RORA: variants seen among roughly 807,000 people sequenced by gnomAD.
The protein encoded by RORA is RAR related orphan receptor A, also known as nuclear receptor ROR-alpha.
A neutral mutation model predicts 69.5 loss-of-function variants in RORA; 7 were observed. The observed-to-expected ratio is 0.10, with a 90% CI of 0.06 to 0.19. The LOEUF (loss-of-function observed/expected upper bound fraction) is 0.19, where lower values mean the gene tolerates loss of function less well. RORA is among the 10% of genes least tolerant of loss of function. The pLI, the probability that RORA is intolerant of heterozygous loss-of-function variation, is 1.00. For missense variants in RORA, 457 were observed against 663.0 expected, an observed-to-expected ratio of 0.69 and a Z score of 3.41; for synonymous variants, 261 against 240.8, an observed-to-expected ratio of 1.08 and a Z score of -0.78.
At chr15:61,104,749 C>T (rs1251541354) in intron 1 of RORA, among the ~76,000 whole-genome samples, 3 of 152,146 alleles carry the variant, frequency 2.0e-5, no homozygotes, top group South Asian at 4.1e-4. Context: ...GCATGGAGCC[C>T]TCTTCTTACC....
chr15:61,027,143 AG>A (rs768563656), intron 1 of RORA, among the ~76,000 whole-genome samples: 2 of 152,230 alleles, frequency 1.3e-5, no homozygotes, highest in Non-Finnish European at 2.9e-5. Context: ...AGTGTGGGCG[AG>A]GGTCCATTAC....
chr15:60,881,399 A>C (rs2073678709), intron 1 of RORA, among the ~76,000 whole-genome samples: 1 of 152,208 alleles, frequency 6.6e-6, no homozygotes, highest in Non-Finnish European at 1.5e-5. Context: ...TCCCAAAGGG[A>C]GATTCAATAT....
At chr15:61,157,860 A>C (rs2079458855) in intron 1 of RORA, among the ~76,000 whole-genome samples, 1 of 152,220 alleles carries the variant, frequency 6.6e-6, no homozygotes, top group African/African-American at 2.4e-5. Context: ...GCATTGGGAT[A>C]ATCGCCCCAT....
intron 1 of RORA, among the ~76,000 whole-genome samples, chr15:61,036,139 TA>T: frequency 6.6e-6 from 1 of 152,252 alleles, no homozygotes; most frequent in South Asian, 2.1e-4. Flanking sequence ...ATAAGCCTCT[TA>T]AAACTTTCTG....
chr15:61,071,083 T>C (rs2078335711), intron 1 of RORA, among the ~76,000 whole-genome samples: 3 of 150,614 alleles, frequency 2.0e-5, no homozygotes, highest in Admixed American at 1.3e-4. Flanking sequence ...TTGATACACT[T>C]ATCCTTTTTC....
chr15:61,200,846 ACACTTATCATCCAGAGGACTGGATT>A (rs1162691323), intron 1 of RORA, among the ~76,000 whole-genome samples: 1 of 152,210 alleles, frequency 6.6e-6, no homozygotes, highest in Non-Finnish European at 1.5e-5. Flanking sequence ...AGGGTAGTCA[ACACTTATCATCCAGAGGACTGGATT>A]CACTTTCTCA....
intron 1 of RORA, among the ~76,000 whole-genome samples, chr15:60,723,478 G>A (rs913639649): frequency 2.0e-5 from 3 of 151,468 alleles, no homozygotes; most frequent in African/African-American, 7.3e-5. Context: ...AAGGCGCAGG[G>A]AAAAAGCAAA....
intron 1 of RORA, among the ~76,000 whole-genome samples, chr15:60,855,892 G>A (rs1286459310): frequency 2.6e-5 from 4 of 152,224 alleles, no homozygotes; most frequent in African/African-American, 9.6e-5. Flanking sequence ...TGGGATTACA[G>A]GTGTGAGCCA....
intron 2 of RORA, among the ~76,000 whole-genome samples, chr15:60,622,402 C>T (rs897674807): frequency 1.3e-5 from 2 of 151,994 alleles, no homozygotes; most frequent in South Asian, 2.1e-4. Flanking sequence ...TGCTTGAGCT[C>T]GGGAATTTGA....
intron 2 of RORA, among the ~76,000 whole-genome samples, chr15:60,644,776 C>A (rs567837535): frequency 6.6e-6 from 1 of 152,228 alleles, no homozygotes; most frequent in East Asian, 1.9e-4. Flanking sequence ...AAGTCCTGAC[C>A]AAGTAGCCAC....
chr15:60,857,026 G>A (rs1344305979), intron 1 of RORA, among the ~76,000 whole-genome samples: 2 of 152,206 alleles, frequency 1.3e-5, no homozygotes, highest in Non-Finnish European at 2.9e-5. Context: ...GGAAGCCATC[G>A]TTGCTTCATT....
chr15:61,052,032 C>T (rs2078022192), intron 1 of RORA, among the ~76,000 whole-genome samples: 1 of 152,232 alleles, frequency 6.6e-6, no homozygotes, highest in Non-Finnish European at 1.5e-5. Context: ...GCTTTCTAAA[C>T]TAAATAGAAA....
intron 1 of RORA, among the ~76,000 whole-genome samples, chr15:60,790,125 A>G (rs1387174917): frequency 6.6e-6 from 1 of 152,238 alleles, no homozygotes; most frequent in Non-Finnish European, 1.5e-5. Flanking sequence ...TTTAGACTTT[A>G]GAGGTCTTAG....
rs546157858 is a variant in RORA, at chr15:61,019,923, G to A, written c.166+209130C>T. Among the ~76,000 whole-genome samples the A allele has an allele frequency of 2.8e-4, 42 of 152,134 alleles. 1 individual carries two copies. Among genetic ancestry groups the A allele is most frequent in the Admixed American group, 2.5e-3 (38 of 15,280 alleles). ...AAAAGCTTCTTCTGATTTCTGCTCC[G>A]ACACCAACTTCCCGTCCTCTGACCT... On this transcript the variant is annotated intron_variant, in intron 1 of 10. Coordinates refer to ENST00000335670, the MANE Select transcript of RORA (RefSeq NM_134261.3).
At chr15:60,592,126 A>T (rs2068536916) in intron 2 of RORA, among the ~76,000 whole-genome samples, 1 of 140,878 alleles carries the variant, frequency 7.1e-6, no homozygotes, top group Non-Finnish European at 1.5e-5. Context: ...CGGACCCAAG[A>T]GACTGACAGG....
chr15:60,532,819 T>C (rs953102189), intron 2 of RORA, among the ~76,000 whole-genome samples: 2 of 152,192 alleles, frequency 1.3e-5, no homozygotes, highest in African/African-American at 4.8e-5. Flanking sequence ...TTACGCTAAA[T>C]TCATTTTCCA....
intron 1 of RORA, among the ~76,000 whole-genome samples, chr15:60,994,880 A>T (rs1894484876): frequency 6.6e-6 from 1 of 152,144 alleles, no homozygotes; most frequent in South Asian, 2.1e-4. Flanking sequence ...CTTCGTTTTA[A>T]CAAGTGTGGA....
intron 1 of RORA, among the ~76,000 whole-genome samples, chr15:60,946,439 C>A (rs575937265): frequency 1.3e-5 from 2 of 152,184 alleles, no homozygotes; most frequent in African/African-American, 4.8e-5. Flanking sequence ...GACTGGTTTT[C>A]GTATTTTTTT....
At chr15:61,046,034 G>T (rs1897003276) in intron 1 of RORA, among the ~76,000 whole-genome samples, 2 of 152,052 alleles carry the variant, frequency 1.3e-5, no homozygotes, top group Admixed American at 6.5e-5. Context: ...GGGGAGCAGA[G>T]AGAAAAGAAA....
Sources: allele counts gnomAD v4.1 joint callset (sites outside exome capture counted in the v4.1 genomes callset), GRCh38; gene constraint gnomAD v4.1.1; transcripts MANE v1.5; gene names NCBI Gene and HGNC (gene_info 2026-07-23, HGNC 2026-07-21).